NIPAL2: variants seen among roughly 807,000 people sequenced by gnomAD.
The protein encoded by NIPAL2 is NIPA-like protein 2.
In NIPAL2, 43 loss-of-function variants were observed where a neutral mutation model predicts 48.9. The observed-to-expected ratio is 0.88, with a 90% CI of 0.69 to 1.13. NIPAL2 has a LOEUF of 1.13. Ranked by LOEUF, NIPAL2 falls within the 50% of genes most tolerant of loss-of-function variation. The probability of loss-of-function intolerance (pLI) is 0.00; values close to 1 mark genes in which losing one functional copy is unlikely to be tolerated. For synonymous variants in NIPAL2, 167 were observed against 174.6 expected (o/e 0.96, Z 0.34); for missense variants, 446 against 461.4 (o/e 0.97, Z 0.31).
chr8:98,204,042 G>T (rs74531114), intron 7 of NIPAL2, among the ~76,000 whole-genome samples: 3,522 of 152,244 alleles, frequency 0.023, 129 homozygotes, highest in African/African-American at 0.08. Flanking sequence ...GTCGTACAGT[G>T]TGATGGGTGC....
chr8:98,200,294 T>A (rs1586292947), intron 8 of NIPAL2, among the ~76,000 whole-genome samples: 3 of 152,336 alleles, frequency 2.0e-5, no homozygotes, highest in Admixed American at 6.5e-5. Flanking sequence ...ATTATACAAC[T>A]CATTTCCTCC....
At chr8:98,281,512 A>G (rs2130902755) in intron 1 of NIPAL2, among the ~76,000 whole-genome samples, 1 of 152,340 alleles carries the variant, frequency 6.6e-6, no homozygotes, top group Middle Eastern at 3.4e-3. Flanking sequence ...TTGTAACGCA[A>G]TTATAAAAGC....
intron 3 of NIPAL2, among the ~76,000 whole-genome samples, chr8:98,241,863 T>G (rs1380864199): frequency 6.6e-6 from 1 of 152,222 alleles, no homozygotes; most frequent in African/African-American, 2.4e-5. Context: ...AATGAGATAG[T>G]TGGCATTGTT....
At chr8:98,261,094 A>C (rs1400262411) in intron 1 of NIPAL2, among the ~76,000 whole-genome samples, 2 of 151,276 alleles carry the variant, frequency 1.3e-5, no homozygotes, top group African/African-American at 2.4e-5. Flanking sequence ...AAACTAACAA[A>C]CAGAAAGGAC....
chr8:98,273,381 G>A (rs998348184), intron 1 of NIPAL2, among the ~76,000 whole-genome samples: 2 of 152,084 alleles, frequency 1.3e-5, no homozygotes, highest in African/African-American at 4.8e-5. Flanking sequence ...GCTTGGGGAT[G>A]ACAGCTAAAG....
chr8:98,237,074 T>C (rs1310024692), intron 3 of NIPAL2, among the ~76,000 whole-genome samples: 1 of 151,970 alleles, frequency 6.6e-6, no homozygotes, highest in Non-Finnish European at 1.5e-5. Context: ...TTTTTTCTTT[T>C]TTTTGAGACA....
At chr8:98,259,398 G>T (rs1406515836) in intron 1 of NIPAL2, among the ~76,000 whole-genome samples, 1 of 152,058 alleles carries the variant, frequency 6.6e-6, no homozygotes, top group African/African-American at 2.4e-5. Context: ...CTTCTCACAG[G>T]TTTATTTTTG....
intron 3 of NIPAL2, among the ~76,000 whole-genome samples, chr8:98,247,789 C>T (rs1419926320): frequency 6.6e-6 from 1 of 152,134 alleles, no homozygotes; most frequent in Non-Finnish European, 1.5e-5. Context: ...GCCTCTTGAG[C>T]AAGGGTTTAC....
chr8:98,239,227 G>A (rs2130797437), intron 3 of NIPAL2, among the ~76,000 whole-genome samples: 1 of 152,256 alleles, frequency 6.6e-6, no homozygotes, highest in Admixed American at 6.5e-5. Context: ...GGGAAACTGA[G>A]GTCCAAAGAA....
In NIPAL2 at chr8:98,271,051, C is replaced by T. The variant is rs140072694; in HGVS notation, c.136-16964G>A. On this transcript the variant is annotated intron_variant, in intron 1 of 10. Coordinates refer to ENST00000430223, the MANE Select transcript of NIPAL2 (RefSeq NM_001321635.2). ...GGGCTCTCTATTATGTTCCATTGGT[C>T]TATATGTCTATTTTTGTACCAGTAT... Among the ~76,000 whole-genome samples the T allele has an allele frequency of 3.2e-3, 482 of 152,172 alleles. 1 individual carries two copies. Among genetic ancestry groups the T allele is most frequent in the African/African-American group, 0.011 (454 of 41,522 alleles).
chr8:98,286,823 A>AAC (rs1554579708), intron 1 of NIPAL2, among the ~76,000 whole-genome samples: 2 of 148,924 alleles, frequency 1.3e-5, no homozygotes, highest in South Asian at 4.2e-4. Flanking sequence ...AAAAAAAAAA[A>AAC]AAAAAAAAAA....
chr8:98,191,331 G>T lies in NIPAL2; in HGVS notation c.*1647C>A, dbSNP rs898899534. 6.6e-6 allele frequency: 1 copy of T among 152,102 alleles called. No individual in the cohort carries two copies. The highest frequency in any genetic ancestry group is 1.5e-5 in the Non-Finnish European group (1 of 68,024). 9.4% of individuals were successfully genotyped at this position (152,102 alleles called of 1,614,324 possible). Reference sequence around the variant, plus strand: ...TAGGACCAATATGCTGGACCAATTCGGTAAAATACACCATAAATTATGACT... The same window carrying T: ...TAGGACCAATATGCTGGACCAATTCTGTAAAATACACCATAAATTATGACT... On this transcript the variant is annotated 3_prime_UTR_variant, in exon 11 of 11. Transcript: ENST00000430223.
chr8:98,289,966 G>A (rs1280921637), intron 1 of NIPAL2, among the ~76,000 whole-genome samples: 1 of 152,198 alleles, frequency 6.6e-6, no homozygotes, highest in Non-Finnish European at 1.5e-5. Context: ...CAGCAAGACA[G>A]AAGCCTTAAT....
At chr8:98,240,264 A>C (rs1348441696) in intron 3 of NIPAL2, among the ~76,000 whole-genome samples, 1 of 152,222 alleles carries the variant, frequency 6.6e-6, no homozygotes, top group Non-Finnish European at 1.5e-5. Flanking sequence ...TTCAGAAGAC[A>C]TGGGTCTACA....
chr8:98,239,782 C>T (rs1397827232), intron 3 of NIPAL2, among the ~76,000 whole-genome samples: 1 of 152,106 alleles, frequency 6.6e-6, no homozygotes, highest in African/African-American at 2.4e-5. Flanking sequence ...GATACATTTA[C>T]TTTCAACTCA....
chr8:98,267,205 C>T (rs1036209390), intron 1 of NIPAL2, among the ~76,000 whole-genome samples: 1 of 151,560 alleles, frequency 6.6e-6, no homozygotes, highest in African/African-American at 2.4e-5. Flanking sequence ...TAGAAACTAC[C>T]AATTATAATT....
intron 1 of NIPAL2, among the ~76,000 whole-genome samples, chr8:98,262,640 T>C (rs1465794668): frequency 2.0e-5 from 3 of 150,042 alleles, no homozygotes; most frequent in Admixed American, 2.0e-4. Flanking sequence ...AAGTCCTGAG[T>C]GACCTACAAA....
chr8:98,197,494 G>T (rs1322409737), intron 8 of NIPAL2, among the ~76,000 whole-genome samples: 1 of 152,142 alleles, frequency 6.6e-6, no homozygotes, highest in African/African-American at 2.4e-5. Flanking sequence ...AATGAAGTTT[G>T]CCACATCGAT....
chr8:98,207,517 A>G (rs966539884), intron 6 of NIPAL2, among the ~76,000 whole-genome samples: 4 of 152,226 alleles, frequency 2.6e-5, no homozygotes, highest in Admixed American at 2.0e-4. Flanking sequence ...ACAGAAAAAA[A>G]GATGAGAATA....
Sources: gnomAD v4.1 joint callset for allele counts (sites outside exome capture counted in the v4.1 genomes callset) on GRCh38, gnomAD v4.1.1 for gene constraint, MANE v1.5 for transcripts, NCBI Gene and HGNC (gene_info 2026-07-23, HGNC 2026-07-21) for gene names.